FCRL5: variants seen among roughly 807,000 people sequenced by gnomAD.
The protein encoded by FCRL5 is Fc receptor-like protein 5.
FCRL5 carries 79 observed loss-of-function variants against 92.1 expected under a neutral mutation model. The observed-to-expected ratio is 0.86, with a 90% CI of 0.72 to 1.03. FCRL5 has a LOEUF of 1.03. Among genes scored for constraint, FCRL5 ranks in the 50% least tolerant of loss-of-function variants. The pLI, the probability that FCRL5 is intolerant of heterozygous loss-of-function variation, is 0.00. For missense variants in FCRL5, 1,160 were observed against 1,181.1 expected, an observed-to-expected ratio of 0.98 and a Z score of 0.26; for synonymous variants, 466 against 469.3, an observed-to-expected ratio of 0.99 and a Z score of 0.09.
chr1:157,526,774 A>AG (rs1650446547), intron 9 of FCRL5, among the ~76,000 whole-genome samples: 1 of 151,990 alleles, frequency 6.6e-6, no homozygotes, highest in Non-Finnish European at 1.5e-5. Context: ...ATGACCTGGG[A>AG]GTTCTGTTGA....
intron 13 of FCRL5, chr1:157,519,064 G>T (rs533059770): frequency 2.3e-5 from 6 of 264,372 alleles, no homozygotes; most frequent in Admixed American, 4.9e-5. Flanking sequence ...ACAAACGGAG[G>T]CTCCAATAAG....
chr1:157,525,426 C>A (rs76018780), intron 9 of FCRL5, among the ~76,000 whole-genome samples: 1,988 of 152,260 alleles, frequency 0.013, 39 homozygotes, highest in African/African-American at 0.046. Context: ...CTGCAAACTA[C>A]CAAGAAATAG....
chr1:157,517,368 C>T lies in FCRL5; in HGVS notation c.2812+1061G>A, dbSNP rs187534429. On this transcript the variant is annotated intron_variant, in intron 15 of 16. Coordinates refer to ENST00000361835, the MANE Select transcript of FCRL5 (RefSeq NM_031281.3). ...AGATGTCACGCCCTAATTGCTGCAA[C>T]CTGTGACTATATTACCCTAAGTGGA... Among the ~76,000 whole-genome samples the T allele has an allele frequency of 4.0e-4, 61 of 152,262 alleles. 2 individuals carry two copies. The highest frequency in any genetic ancestry group is 1.4e-3 in the African/African-American group (59 of 41,544).
rs2101587278 is a variant in FCRL5 at position 157,515,755 on chromosome 1, T to C, written c.2854A>G (p.Ile952Val). The change falls in exon 17 of 17, where the codon ATC becomes GTC. Residue 952 changes from isoleucine (I) to valine (V), a missense_variant. Ile to Val is a conservative substitution (Grantham distance 29, BLOSUM62 3). Coordinates refer to ENST00000361835, the MANE Select transcript of FCRL5 (RefSeq NM_031281.3). ...PRHLRNKGSP[I>V]IYSEVKVAST... ...GCCACCTTAACTTCAGAGTAGATGA[T>C]AGGGGAACCCTAGGAGGCAAGAGCA... 3.7e-6 allele frequency: 6 copies of C among 1,613,082 alleles called. No individual in the cohort carries two copies. The East Asian group carries it at 1.1e-4, about 30-fold the overall frequency.
Position 157,534,883 on chromosome 1 carries a change from G to A in FCRL5, c.1412C>T (p.Ser471Phe), listed in dbSNP as rs1173056668. 1.3e-6 allele frequency: 2 copies of A among 1,528,902 alleles called. No individual in the cohort carries two copies. Among genetic ancestry groups the A allele is most frequent in the Middle Eastern group, 2.1e-4 (1 of 4,794 alleles). The allele number at this position is 1,528,902 out of a possible 1,614,324, so 94.7% of individuals were successfully genotyped here. ...AGAGCTGAGGGTGAGGACAGGATGA[G>A]ACACAGGGACTGAGGAAGAGAAAGA... Reference protein sequence around the residue: ...AVSLSVTVPVSHPVLTLSSAE... With the variant: ...AVSLSVTVPVFHPVLTLSSAE... The change falls in exon 8 of 17, where the codon TCT (serine) becomes TTT (phenylalanine). Residue 471 changes from serine (S) to phenylalanine (F), a missense_variant. Physicochemically the swap from Ser to Phe is radical, Grantham distance 155. Coordinates refer to ENST00000361835, the MANE Select transcript of FCRL5 (RefSeq NM_031281.3).
chr1:157,544,042 G>A (rs180867794), intron 5 of FCRL5, among the ~76,000 whole-genome samples: 2 of 152,160 alleles, frequency 1.3e-5, no homozygotes, highest in Non-Finnish European at 1.5e-5. Flanking sequence ...GTATTTAATG[G>A]CATTGAAAGA....
chr1:157,542,790 C>A, intron 6 of FCRL5, 69 bp downstream of exon 6: 2 of 1,547,468 alleles, frequency 1.3e-6, no homozygotes, highest in South Asian at 1.2e-5. Context: ...TATATGCTGA[C>A]TTCCGAAGGG....
At chr1:157,525,585 A>G (rs2101606360) in intron 9 of FCRL5, among the ~76,000 whole-genome samples, 1 of 152,336 alleles carries the variant, frequency 6.6e-6, no homozygotes, top group Non-Finnish European at 1.5e-5. Context: ...ACCTCTGTGC[A>G]TGAAATGGAC....
At chr1:157,535,820 C>T (rs1297658378) in intron 7 of FCRL5, among the ~76,000 whole-genome samples, 1 of 151,984 alleles carries the variant, frequency 6.6e-6, no homozygotes, top group Non-Finnish European at 1.5e-5. Context: ...TACTGAGGCC[C>T]CGAGTGGTTG....
intron 4 of FCRL5, 41 bp downstream of exon 4, chr1:157,544,790 C>T (rs188772723): frequency 1.2e-5 from 19 of 1,612,230 alleles, no homozygotes; most frequent in Admixed American, 1.2e-4. Flanking sequence ...CAAGGAATCT[C>T]CTTTTGACCA....
chr1:157,534,673 C>A lies in FCRL5; in HGVS notation c.1622G>T (p.Cys541Phe). 1 of 1,614,146 alleles carries A rather than the reference C, an allele frequency of 6.2e-7. No individual in the cohort carries two copies. The highest frequency in any genetic ancestry group is 2.2e-5 in the East Asian group (1 of 44,878). ...GGGACCAAAGCCATTGTCAGCTGTGCAGTAGTAATTCCCTGAATGTCCTTC... is the reference window on the plus strand; with the variant it reads ...GGGACCAAAGCCATTGTCAGCTGTGAAGTAGTAATTCCCTGAATGTCCTTC... ...LTEGHSGNYY[C>F]TADNGFGPQR... The change falls in exon 8 of 17, where the codon TGC becomes TTC. Residue 541 changes from cysteine to phenylalanine, a missense_variant. By Grantham distance (205) the Cys-to-Phe change is radical. Transcript: ENST00000361835.
intron 9 of FCRL5, among the ~76,000 whole-genome samples, chr1:157,527,357 A>G (rs556198644): frequency 1.1e-4 from 17 of 152,354 alleles, no homozygotes; most frequent in South Asian, 8.3e-4. Flanking sequence ...GTATTTTGAA[A>G]GCCTTTACTC....
intron 9 of FCRL5, 22 bp from the exon 10 acceptor site, chr1:157,524,579 G>C (rs947504692): frequency 6.5e-7 from 1 of 1,550,108 alleles, no homozygotes. Flanking sequence ...AAAACGTTAT[G>C]TATCAGCTGC....
chr1:157,550,270 T>C (rs1476477516), intron 1 of FCRL5, among the ~76,000 whole-genome samples: 2 of 152,046 alleles, frequency 1.3e-5, no homozygotes, highest in Admixed American at 6.6e-5. Context: ...AAGGAGGAGA[T>C]TGACAAGGTT....
Position 157,531,067 on chromosome 1 carries a change from G to T in FCRL5, c.1682-3172C>A, listed in dbSNP as rs370796880. 8.5e-5 allele frequency among the ~76,000 whole-genome samples: 13 copies of T among 152,252 alleles called. No homozygotes were observed. In the South Asian group the frequency reaches 2.5e-3, roughly 29 times the overall value. ...ACTTATAGAATGGGAGAAAATATTTGCAAAGTTTATGTCTGACAAGGTGTT... is the reference window on the plus strand; with the variant it reads ...ACTTATAGAATGGGAGAAAATATTTTCAAAGTTTATGTCTGACAAGGTGTT... On this transcript the variant is annotated intron_variant, in intron 8 of 16. Transcript: ENST00000361835.
At chr1:157,520,322 C>T (rs1440116335) in intron 12 of FCRL5, 109 bp downstream of exon 12, 55 of 742,564 alleles carry the variant, frequency 7.4e-5, no homozygotes, top group Non-Finnish European at 4.6e-6. Context: ...AGGGACAGAG[C>T]GGATGAGCTC....
chr1:157,545,233 A>G (rs1651476081), intron 3 of FCRL5, 151 bp from the exon 4 acceptor site: 1 of 956,266 alleles, frequency 1.0e-6, no homozygotes, highest in Non-Finnish European at 1.5e-6. Flanking sequence ...TTTAAAAATG[A>G]ACACATACAC....
At position 157,544,641 on chromosome 1, in the gene FCRL5, A is replaced by C. The variant is rs141317349; in HGVS notation, c.560-95T>G. The C allele has an allele frequency of 9.6e-5, 143 of 1,488,488 alleles. No homozygotes were observed. In the African/African-American group the frequency reaches 1.9e-3, roughly 19 times the overall value. The allele number at this position is 1,488,488 out of a possible 1,614,324, so 92.2% of individuals were successfully genotyped here. On this transcript the variant is annotated intron_variant, in intron 4 of 16. Coordinates refer to ENST00000361835, the MANE Select transcript of FCRL5 (RefSeq NM_031281.3). ...AGCAGCAGCACATCCAAAAGCAGGC[A>C]AAGAAAGGAATGCCATTGATCCCTA... is the stretch of plus-strand genomic sequence containing the variant.
intron 8 of FCRL5, among the ~76,000 whole-genome samples, chr1:157,531,771 C>A (rs1650707283): frequency 6.6e-6 from 1 of 151,938 alleles, no homozygotes; most frequent in Non-Finnish European, 1.5e-5. Context: ...TAAAAAAATA[C>A]AAAGTTGATA....
Sources: gnomAD v4.1 joint callset for allele counts (sites outside exome capture counted in the v4.1 genomes callset) on GRCh38, gnomAD v4.1.1 for gene constraint, MANE v1.5 for transcripts, NCBI Gene and HGNC (gene_info 2026-07-23, HGNC 2026-07-21) for gene names.